Variants in DPH6 observed in about 807,000 individuals in gnomAD.
DPH6 encodes diphthamine biosynthesis 6.
A neutral mutation model predicts 38.2 loss-of-function variants in DPH6; 33 were observed. The ratio of observed to expected loss-of-function variants is 0.86; its 90% CI spans 0.65 to 1.15. The LOEUF (loss-of-function observed/expected upper bound fraction) is 1.15. DPH6 is among the 50% of genes most tolerant of loss of function. DPH6 has a pLI of 0.00. For synonymous variants in DPH6, 108 were observed against 103.0 expected, an observed-to-expected ratio of 1.05 and a Z score of -0.30; for missense variants, 325 against 320.0, an observed-to-expected ratio of 1.02 and a Z score of -0.12.
Position 35,474,691 on chromosome 15 carries a change from T to A in DPH6, c.313-19871A>T, listed in dbSNP as rs547594775. 8.5e-5 allele frequency among the ~76,000 whole-genome samples: 13 copies of A among 152,268 alleles called. No individual in the cohort carries two copies. The Middle Eastern group carries it at 0.017, about 199-fold the overall frequency. On this transcript the variant is annotated intron_variant, in intron 3 of 8. Coordinates refer to ENST00000256538, the MANE Select transcript of DPH6 (RefSeq NM_080650.4). Reference sequence around the variant, plus strand: ...GTAAAAAATTAAAATGAAGAATTTTTAAAATGTTTATTAGTCATCAATAAG... The same window carrying A: ...GTAAAAAATTAAAATGAAGAATTTTAAAAATGTTTATTAGTCATCAATAAG...
chr15:35,411,921 A>G (rs1454601054), intron 5 of DPH6, among the ~76,000 whole-genome samples: 5 of 151,706 alleles, frequency 3.3e-5, no homozygotes, highest in South Asian at 4.1e-4. Context: ...ATAACAGGAA[A>G]AAAATCTAGA....
At chr15:35,531,581 C>T (rs554416170) in intron 3 of DPH6, among the ~76,000 whole-genome samples, 46 of 152,226 alleles carry the variant, frequency 3.0e-4, no homozygotes, top group African/African-American at 1.1e-3. Flanking sequence ...TCAAACAATT[C>T]TCTCGCCTCA....
At chr15:35,301,907 G>T (rs1393348782) in intron 3 of DPH6, among the ~76,000 whole-genome samples, 1 of 152,182 alleles carries the variant, frequency 6.6e-6, no homozygotes, top group African/African-American at 2.4e-5. Flanking sequence ...CTGGGAGGCG[G>T]AGGTTGCAGT....
chr15:35,427,461 C>G (rs1350505213), intron 5 of DPH6, among the ~76,000 whole-genome samples: 2 of 148,380 alleles, frequency 1.3e-5, no homozygotes, highest in African/African-American at 5.1e-5. Flanking sequence ...TGAAGCTTTT[C>G]TTTCAGAAAG....
rs369518687 is a variant in DPH6 at position 35,493,561 on chromosome 15, T to C, written c.313-38741A>G. 5.3e-5 allele frequency among the ~76,000 whole-genome samples: 8 copies of C among 152,298 alleles called. No individual in the cohort carries two copies. In the South Asian group the frequency reaches 6.2e-4, roughly 12 times the overall value. ...ACATTCAGAGATACCAGAATGGTCATTTCAGGCATTTTTAAGAATCTTGAA... is the reference window on the plus strand; with the variant it reads ...ACATTCAGAGATACCAGAATGGTCACTTCAGGCATTTTTAAGAATCTTGAA... On this transcript the variant is annotated intron_variant, in intron 3 of 8. Transcript: ENST00000256538.
intron 5 of DPH6, among the ~76,000 whole-genome samples, chr15:35,415,851 A>T (rs149139521): frequency 3.6e-4 from 55 of 152,162 alleles, no homozygotes; most frequent in African/African-American, 1.3e-3. Context: ...CATATTAGAG[A>T]TCATTTCACT....
At chr15:35,534,034 C>A (rs1264922875) in intron 3 of DPH6, among the ~76,000 whole-genome samples, 1 of 151,840 alleles carries the variant, frequency 6.6e-6, no homozygotes, top group Admixed American at 6.6e-5. Flanking sequence ...CAGAGAAAAG[C>A]CTATAACATG....
chr15:35,522,010 A>AAC (rs1566939262), intron 3 of DPH6: 2 of 1,513,346 alleles, frequency 1.3e-6, no homozygotes, highest in Non-Finnish European at 1.8e-6. Context: ...CAGAATGAAA[A>AAC]ACAGGGACAG....
the DPH6 span, among the ~76,000 whole-genome samples, chr15:35,153,826 T>C: frequency 6.6e-6 from 1 of 152,134 alleles, no homozygotes; most frequent in Non-Finnish European, 1.5e-5. Context: ...ATGACATGAA[T>C]GCTTGAGGTA....
intron 5 of DPH6, among the ~76,000 whole-genome samples, chr15:35,425,808 G>T (rs1452223076): frequency 1.7e-5 from 2 of 117,926 alleles, no homozygotes; most frequent in Admixed American, 8.7e-5. Flanking sequence ...TATATGACAT[G>T]ACATATATAT....
intron 5 of DPH6, among the ~76,000 whole-genome samples, chr15:35,415,498 C>A (rs2053424827): frequency 6.6e-6 from 1 of 151,922 alleles, no homozygotes; most frequent in Admixed American, 6.6e-5. Context: ...AGTATCAAGC[C>A]CCAGTTCAGA....
At chr15:35,522,721 A>G (rs1374892894) in intron 3 of DPH6, among the ~76,000 whole-genome samples, 2 of 152,106 alleles carry the variant, frequency 1.3e-5, no homozygotes, top group Non-Finnish European at 2.9e-5. Context: ...TTCAAAAGCA[A>G]TATATCCTCA....
At chr15:35,477,471 A>G (rs2054276666) in intron 3 of DPH6, among the ~76,000 whole-genome samples, 1 of 151,852 alleles carries the variant, frequency 6.6e-6, no homozygotes, top group African/African-American at 2.4e-5. Context: ...TACTCCATCA[A>G]CACAGCATAT....
At chr15:35,378,302 G>A (rs2052809185) in intron 7 of DPH6, among the ~76,000 whole-genome samples, 1 of 152,182 alleles carries the variant, frequency 6.6e-6, no homozygotes, top group Admixed American at 6.5e-5. Flanking sequence ...AGTTAGACTG[G>A]CGATCATTAA....
intron 3 of DPH6, among the ~76,000 whole-genome samples, chr15:35,346,747 A>G (rs2052465247): frequency 6.6e-6 from 1 of 152,152 alleles, no homozygotes; most frequent in African/African-American, 2.4e-5. Flanking sequence ...CAGTGTATAC[A>G]TTTGAGGCTA....
chr15:35,483,224 G>C (rs958123418), intron 3 of DPH6, among the ~76,000 whole-genome samples: 1 of 151,966 alleles, frequency 6.6e-6, no homozygotes. Flanking sequence ...CCAGCACTTT[G>C]GAGTGCTGAG....
At chr15:35,404,017 C>A (rs1342869215) in intron 6 of DPH6, among the ~76,000 whole-genome samples, 1 of 152,062 alleles carries the variant, frequency 6.6e-6, no homozygotes, top group Non-Finnish European at 1.5e-5. Context: ...TTAACATAAT[C>A]ACCTCCAGTT....
At chr15:35,428,649 C>T (rs1486137561) in intron 5 of DPH6, among the ~76,000 whole-genome samples, 1 of 152,084 alleles carries the variant, frequency 6.6e-6, no homozygotes, top group Admixed American at 6.6e-5. Flanking sequence ...GTATAACTTC[C>T]ACTTGCTCTT....
intron 3 of DPH6, among the ~76,000 whole-genome samples, chr15:35,471,370 C>T (rs905034241): frequency 2.6e-5 from 4 of 152,128 alleles, no homozygotes; most frequent in Non-Finnish European, 4.4e-5. Flanking sequence ...CACTGCAGTG[C>T]TCCTAAATCA....
Sources: allele counts gnomAD v4.1 joint callset (sites outside exome capture counted in the v4.1 genomes callset), GRCh38; gene constraint gnomAD v4.1.1; transcripts MANE v1.5; gene names NCBI Gene and HGNC (gene_info 2026-07-23, HGNC 2026-07-21).